The following DCAKD variants were observed in gnomAD, a reference collection of about 807,000 sequenced individuals.
DCAKD encodes the protein dephospho-CoA kinase domain containing, also known as dephospho-CoA kinase domain-containing protein.
Under a neutral mutation model 18.7 loss-of-function variants are expected in DCAKD, and 15 were observed. That is an observed-to-expected ratio of 0.80 (90% CI 0.54 to 1.24). The LOEUF is 1.24. Ranked by LOEUF, DCAKD falls within the 50% of genes most tolerant of loss-of-function variation. The probability of loss-of-function intolerance (pLI) is 0.00; values close to 1 mark genes in which losing one functional copy is unlikely to be tolerated. For missense variants in DCAKD, 301 were observed against 322.0 expected, an observed-to-expected ratio of 0.93 and a Z score of 0.50; for synonymous variants, 130 against 133.0, an observed-to-expected ratio of 0.98 and a Z score of 0.16.
intron 1 of DCAKD, among the ~76,000 whole-genome samples, chr17:45,047,795 G>A (rs1271209543): frequency 6.6e-6 from 1 of 151,712 alleles, no homozygotes; most frequent in South Asian, 2.1e-4. Context: ...GAGCCACCGC[G>A]TCTGGCCCCT....
intron 3 of DCAKD, chr17:45,033,945 C>T (rs1265215244): frequency 1.3e-6 from 2 of 1,551,854 alleles, no homozygotes; most frequent in Non-Finnish European, 1.7e-6. Context: ...TTCCTGGGCT[C>T]ATGGCTCGAA....
At chr17:45,038,698 C>CT (rs2053360362) in intron 1 of DCAKD, among the ~76,000 whole-genome samples, 1 of 152,166 alleles carries the variant, frequency 6.6e-6, no homozygotes, top group East Asian at 1.9e-4. Context: ...TCCCGGGTTA[C>CT]CTAATGAGTA....
intron 1 of DCAKD, among the ~76,000 whole-genome samples, chr17:45,040,617 G>A (rs1733661707): frequency 6.6e-6 from 1 of 152,136 alleles, no homozygotes; most frequent in African/African-American, 2.4e-5. Context: ...ATCAGCCAAG[G>A]AGGAGCCAGA....
At position 45,045,554 on chromosome 17, in the gene DCAKD, A is replaced by G. The variant is rs189251742; in HGVS notation, c.-115+5807T>C. On this transcript the variant is annotated intron_variant, in intron 1 of 4. Coordinates refer to ENST00000651974, the MANE Select transcript of DCAKD (RefSeq NM_001288655.2). ...CAAGACCATCCTGGCCAATATGGTG[A>G]AACCCTGTCTCTATTAAAAATACAA... Among the ~76,000 whole-genome samples, 6 of 152,168 alleles carry G rather than the reference A, an allele frequency of 3.9e-5. No individual in the cohort carries two copies. In the East Asian group the frequency reaches 1.2e-3, roughly 30 times the overall value.
Position 45,060,361 on chromosome 17 carries a change from C to CA in DCAKD, c.-118+526dup, listed in dbSNP as rs557021740. On this transcript the variant is annotated intron_variant, in intron 1 of 4. Transcript: ENST00000310604. ...CAACAAGGCGAGACCCTCGTCTCTA[C>CA]AAAAAATATATAAATTATCCGGGTG... Among the ~76,000 whole-genome samples the CA allele has an allele frequency of 1.7e-3, 251 of 151,934 alleles. 1 individual carries two copies. The highest frequency in any genetic ancestry group is 5.7e-3 in the African/African-American group (237 of 41,416).
upstream of DCAKD, among the ~76,000 whole-genome samples, chr17:45,053,200 G>A (rs151149376): frequency 1.3e-3 from 170 of 135,204 alleles, 4 homozygotes; most frequent in East Asian, 0.032. Flanking sequence ...AAAAAAACTA[G>A]TTATCTAGTT....
At chr17:45,030,868 C>A in intron 3 of DCAKD, 1 of 587,314 alleles carries the variant, frequency 1.7e-6, no homozygotes, top group Non-Finnish European at 2.1e-6. Flanking sequence ...CTGTATTACA[C>A]TCCTGCAGTG....
At chr17:45,050,548 C>A (rs1233244980) in intron 1 of DCAKD, among the ~76,000 whole-genome samples, 1 of 152,060 alleles carries the variant, frequency 6.6e-6, no homozygotes, top group Non-Finnish European at 1.5e-5. Context: ...GAGACAAAAA[C>A]CACCCGAACC....
At chr17:45,050,057 T>TC (rs57594159) in intron 1 of DCAKD, among the ~76,000 whole-genome samples, 3 of 147,810 alleles carry the variant, frequency 2.0e-5, no homozygotes, top group Admixed American at 1.4e-4. Flanking sequence ...TTTCTTTCTT[T>TC]TGAGAAGGAG....
At chr17:45,056,799 G>A (rs546900086) in intron 1 of DCAKD, among the ~76,000 whole-genome samples, 28 of 151,496 alleles carry the variant, frequency 1.8e-4, no homozygotes, top group African/African-American at 6.1e-4. Flanking sequence ...ACAGAGCCTC[G>A]CTCTGTCACC....
At chr17:45,038,440 A>G (rs560045197) in intron 1 of DCAKD, among the ~76,000 whole-genome samples, 77 of 152,288 alleles carry the variant, frequency 5.1e-4, no homozygotes, top group Non-Finnish European at 1.6e-4. Flanking sequence ...GCTATTATCA[A>G]AGGCTGGATG....
intron 4 of DCAKD, among the ~76,000 whole-genome samples, chr17:45,026,206 A>C (rs12603535): frequency 2.1e-5 from 3 of 142,926 alleles, no homozygotes; most frequent in African/African-American, 5.2e-5. Flanking sequence ...GGCATAAGCC[A>C]CCGCGCCTGG....
At chr17:45,060,966 C>T in exon 1 of DCAKD, 1 of 1,012,374 alleles carries the variant, frequency 9.9e-7, no homozygotes, top group Non-Finnish European at 1.2e-6. Flanking sequence ...AGGCTGAAAT[C>T]AAACCTCGGA....
At position 45,030,105 on chromosome 17, in the gene DCAKD, C is replaced by A. The variant is rs150982403; in HGVS notation, c.391G>T (p.Val131Leu). The A allele has an allele frequency of 6.2e-7, 1 of 1,613,788 alleles. No homozygotes were observed. Among genetic ancestry groups the A allele is most frequent in the Non-Finnish European group, 8.5e-7 (1 of 1,179,818 alleles). The change falls in exon 4 of 5, where the codon GTG (valine) becomes TTG (leucine). Residue 131 changes from valine (V) to leucine (L), a missense_variant. Transcript: ENST00000651974. ...CTACACACTCACCAGTATACTACCA[C>A]GGTGTGCTTCATGTACTTGAGCAAC... The part of the protein sequence containing the change: ...KKLLKYMKHT[V>L]VVYCDRDTQL...
chr17:45,046,199 A>G (rs1474015040), intron 1 of DCAKD, among the ~76,000 whole-genome samples: 3 of 152,170 alleles, frequency 2.0e-5, no homozygotes, highest in Non-Finnish European at 4.4e-5. Flanking sequence ...TCCTGGACTG[A>G]CAATATATTG....
At chr17:45,028,702 A>C (rs937517379) in intron 4 of DCAKD, among the ~76,000 whole-genome samples, 4 of 147,546 alleles carry the variant, frequency 2.7e-5, no homozygotes, top group African/African-American at 1.0e-4. Context: ...GAGCCACTGC[A>C]CCCAGCCTTT....
At chr17:45,052,067 G>C (rs1316922124), upstream of DCAKD, among the ~76,000 whole-genome samples, 1 of 123,706 alleles carries the variant, frequency 8.1e-6, no homozygotes, top group Non-Finnish European at 1.7e-5. Context: ...GGACGCGGGA[G>C]AGGTTGGGCG....
At chr17:45,035,691 T>C (rs770206164) in intron 1 of DCAKD, among the ~76,000 whole-genome samples, 2 of 151,996 alleles carry the variant, frequency 1.3e-5, no homozygotes, top group Non-Finnish European at 2.9e-5. Context: ...CCCCTGGCCT[T>C]TACTTTCTAG....
chr17:45,058,715 C>A (rs1267053396), intron 1 of DCAKD, among the ~76,000 whole-genome samples: 1 of 152,068 alleles, frequency 6.6e-6, no homozygotes, highest in Non-Finnish European at 1.5e-5. Flanking sequence ...AGCCCCAGCG[C>A]CTGGCCTGGC....
Sources: gnomAD v4.1 joint callset for allele counts (sites outside exome capture counted in the v4.1 genomes callset) on GRCh38, gnomAD v4.1.1 for gene constraint, MANE v1.5 for transcripts, NCBI Gene and HGNC (gene_info 2026-07-23, HGNC 2026-07-21) for gene names.